Variants in TRIM9 observed in about 807,000 individuals in gnomAD.
TRIM9 encodes tripartite motif containing 9.
Under a neutral mutation model 78.3 loss-of-function variants are expected in TRIM9, and 26 were observed. The observed-to-expected ratio is 0.33, with a 90% CI of 0.24 to 0.46. The LOEUF (loss-of-function observed/expected upper bound fraction) is 0.46. TRIM9 is among the 20% of genes least tolerant of loss of function. The pLI is 1.00. For missense variants in TRIM9, 787 were observed against 1,036.4 expected (o/e 0.76, Z 3.30); for synonymous variants, 398 against 416.5 (o/e 0.96, Z 0.54).
At chr14:51,042,310 C>T (rs1422407817) in intron 1 of TRIM9, among the ~76,000 whole-genome samples, 3 of 152,164 alleles carry the variant, frequency 2.0e-5, no homozygotes, top group Non-Finnish European at 4.4e-5. Context: ...TTCCCTTGTC[C>T]CCTCAGCCTA....
intron 1 of TRIM9, among the ~76,000 whole-genome samples, chr14:51,079,056 T>C (rs191136580): frequency 5.9e-4 from 90 of 152,334 alleles, no homozygotes; most frequent in Non-Finnish European, 9.7e-4. Flanking sequence ...AAAATGCTCT[T>C]GATTAATTTT....
At chr14:51,092,435 C>A (rs924359439) in intron 1 of TRIM9, among the ~76,000 whole-genome samples, 1 of 152,148 alleles carries the variant, frequency 6.6e-6, no homozygotes, top group Non-Finnish European at 1.5e-5. Flanking sequence ...TATCAATGTT[C>A]CAGCCTTAAC....
At chr14:51,053,580 C>CTTTTTTTTTTTTTTTTTTTTTT (rs1348456935) in intron 1 of TRIM9, among the ~76,000 whole-genome samples, 1 of 74,812 alleles carries the variant, frequency 1.3e-5, no homozygotes, top group Non-Finnish European at 2.7e-5. Flanking sequence ...TTTTAATTTT[C>CTTTTTTTTTTTTTTTTTTTTTT]TTTTTTTTTT....
At chr14:51,019,970 C>A (rs1953893) in intron 3 of TRIM9, among the ~76,000 whole-genome samples, 1 of 152,048 alleles carries the variant, frequency 6.6e-6, no homozygotes, top group East Asian at 1.9e-4. Flanking sequence ...ATAAAGACTG[C>A]GTAAGTACAC....
At chr14:50,989,678 G>C (rs1467993810) in intron 7 of TRIM9, among the ~76,000 whole-genome samples, 4 of 152,190 alleles carry the variant, frequency 2.6e-5, no homozygotes, top group Non-Finnish European at 5.9e-5. Context: ...GCAGGAAAGA[G>C]CAATGGAAAA....
chr14:50,982,545 T>C (rs2052089063), intron 10 of TRIM9: 1 of 306,016 alleles, frequency 3.3e-6, no homozygotes, highest in Non-Finnish European at 6.2e-6. Context: ...TCAGGAAATA[T>C]CCCTTCGGCA....
At chr14:51,066,479 C>A (rs1256805098) in intron 1 of TRIM9, among the ~76,000 whole-genome samples, 1 of 152,212 alleles carries the variant, frequency 6.6e-6, no homozygotes, top group Non-Finnish European at 1.5e-5. Context: ...TCCTGTGTCA[C>A]TGGCTGTCGC....
intron 1 of TRIM9, among the ~76,000 whole-genome samples, chr14:51,077,347 C>G (rs2062873183): frequency 6.9e-6 from 1 of 145,810 alleles, no homozygotes; most frequent in African/African-American, 2.5e-5. Flanking sequence ...CATGAGCTGT[C>G]AAACTTAAGT....
intron 1 of TRIM9, among the ~76,000 whole-genome samples, chr14:51,093,503 G>T (rs2064604606): frequency 6.6e-6 from 1 of 152,230 alleles, no homozygotes; most frequent in African/African-American, 2.4e-5. Context: ...ACCGCTGGCT[G>T]CCCTCTCCGC....
At chr14:51,017,911 T>G (rs1266240066) in intron 3 of TRIM9, among the ~76,000 whole-genome samples, 4 of 152,130 alleles carry the variant, frequency 2.6e-5, no homozygotes, top group African/African-American at 9.7e-5. Context: ...CCATACAGTC[T>G]CTCTTGTGAT....
At chr14:50,979,330 C>T in intron 12 of TRIM9, 57 bp downstream of exon 12, 1 of 1,613,994 alleles carries the variant, frequency 6.2e-7, no homozygotes, top group Admixed American at 1.7e-5. Context: ...CGGCCCTGGG[C>T]AGCCTTTGAA....
At chr14:50,978,294 A>G (rs2139262818) in intron 12 of TRIM9, among the ~76,000 whole-genome samples, 1 of 152,282 alleles carries the variant, frequency 6.6e-6, no homozygotes, top group South Asian at 2.1e-4. Context: ...CAAGACAACC[A>G]TTTGTGGAAT....
chr14:50,995,463 C>T (rs766011399), intron 7 of TRIM9, among the ~76,000 whole-genome samples: 45 of 152,048 alleles, frequency 3.0e-4, no homozygotes, highest in Non-Finnish European at 1.5e-4. Context: ...AATTTGCTTT[C>T]GAAGAAAAAA....
intron 3 of TRIM9, among the ~76,000 whole-genome samples, chr14:51,018,937 C>T (rs1162880841): frequency 6.6e-6 from 1 of 152,168 alleles, no homozygotes; most frequent in African/African-American, 2.4e-5. Flanking sequence ...AGAGAGAACA[C>T]ATTTAAGACA....
intron 12 of TRIM9, 181 bp downstream of exon 12, chr14:50,979,206 T>C (rs1236741280): frequency 1.4e-6 from 2 of 1,457,160 alleles, no homozygotes; most frequent in Non-Finnish European, 1.8e-6. Context: ...AAGGTGCTTA[T>C]GCTTGGCGTG....
rs773668620 is a variant in TRIM9, at chr14:51,009,099, C to T, written c.1287G>A (p.Leu429=). Reference sequence around the variant, plus strand: ...ACATACCTTTCACTTGCACGAAATCCAGCTGGTGGATGGATTGCAGCAGAG... The same window carrying T: ...ACATACCTTTCACTTGCACGAAATCTAGCTGGTGGATGGATTGCAGCAGAG... ...NSPLLQSIHQ[L]DFVQVKASSP... is the part of the protein sequence containing the mutation. Residue 429 remains leucine, a synonymous_variant, in exon 5 of 13, where the codon CTG becomes CTA. Coordinates refer to ENST00000684578, the MANE Select transcript of TRIM9 (RefSeq NM_001387360.1). 1.9e-6 allele frequency: 3 copies of T among 1,613,954 alleles called. No homozygotes were observed. In the African/African-American group the frequency reaches 4.0e-5, roughly 22 times the overall value.
intron 1 of TRIM9, among the ~76,000 whole-genome samples, chr14:51,054,397 C>T (rs1467600331): frequency 6.6e-6 from 1 of 151,982 alleles, no homozygotes; most frequent in Non-Finnish European, 1.5e-5. Context: ...CTCAGCCTCC[C>T]GAGTAGCTGA....
At chr14:50,992,463 C>T (rs2053644823) in intron 7 of TRIM9, among the ~76,000 whole-genome samples, 1 of 151,156 alleles carries the variant, frequency 6.6e-6, no homozygotes, top group South Asian at 2.1e-4. Context: ...GAGCCAGTTA[C>T]TAGGGAGGCT....
chr14:51,066,035 G>T (rs1229894682), intron 1 of TRIM9, among the ~76,000 whole-genome samples: 1 of 146,488 alleles, frequency 6.8e-6, no homozygotes, highest in African/African-American at 2.5e-5. Context: ...GTGCAAGCAG[G>T]CCTGAGCATC....
Sources: allele counts gnomAD v4.1 joint callset (sites outside exome capture counted in the v4.1 genomes callset), GRCh38; gene constraint gnomAD v4.1.1; transcripts MANE v1.5; gene names NCBI Gene and HGNC (gene_info 2026-07-23, HGNC 2026-07-21).